Variants in XKR3 observed in about 807,000 individuals in gnomAD.
The protein encoded by XKR3 is XK related 3, also known as XK-related protein 3.
In XKR3, 27 loss-of-function variants were observed where a neutral mutation model predicts 40.3. The observed-to-expected ratio is 0.67, with a 90% CI of 0.49 to 0.92. The LOEUF (loss-of-function observed/expected upper bound fraction) is 0.92. Ranked by LOEUF, XKR3 falls within the 40% of genes least tolerant of loss-of-function variation. The probability of loss-of-function intolerance (pLI) is 0.00; values close to 1 mark genes in which losing one functional copy is unlikely to be tolerated. For missense variants in XKR3, 472 were observed against 537.6 expected, an observed-to-expected ratio of 0.88 and a Z score of 1.21; for synonymous variants, 193 against 195.4, an observed-to-expected ratio of 0.99 and a Z score of 0.10.
chr22:16,795,786 G>A (rs1201494221), intron 3 of XKR3, among the ~76,000 whole-genome samples: 1 of 152,016 alleles, frequency 6.6e-6, no homozygotes, highest in Non-Finnish European at 1.5e-5. Flanking sequence ...GGCCAACATG[G>A]TAAAACCCTG....
chr22:16,813,840 T>A (rs1227106466), intron 1 of XKR3, among the ~76,000 whole-genome samples: 1 of 152,210 alleles, frequency 6.6e-6, no homozygotes, highest in African/African-American at 2.4e-5. Flanking sequence ...CATCTGTTAT[T>A]TCTTTCTGAT....
intron 3 of XKR3, among the ~76,000 whole-genome samples, chr22:16,787,342 T>C (rs979087914): frequency 2.6e-5 from 4 of 152,058 alleles, no homozygotes; most frequent in African/African-American, 9.7e-5. Flanking sequence ...GTGGATCACA[T>C]GTGGTCAGGA....
chr22:16,811,237 C>T (rs2060211309), intron 1 of XKR3, among the ~76,000 whole-genome samples: 1 of 151,776 alleles, frequency 6.6e-6, no homozygotes, highest in South Asian at 2.1e-4. Context: ...GATTTCCTGC[C>T]TCAGCCTCTC....
Position 16,820,904 on chromosome 22 carries a change from T to C in XKR3, c.-11+4387A>G, listed in dbSNP as rs532361240. 1.1e-4 allele frequency among the ~76,000 whole-genome samples: 17 copies of C among 152,316 alleles called. No homozygotes were observed. The South Asian group carries it at 3.3e-3, about 30-fold the overall frequency. On this transcript the variant is annotated intron_variant, in intron 1 of 3. Coordinates refer to ENST00000684488, the MANE Select transcript of XKR3 (RefSeq NM_001386955.1). ...CTGTTTCACGATCTCTTGTAAGTTA[T>C]AACTCCTTCATGAATACCCCTCTTT...
At chr22:16,813,582 C>T (rs190100070) in intron 1 of XKR3, among the ~76,000 whole-genome samples, 2 of 152,218 alleles carry the variant, frequency 1.3e-5, no homozygotes, top group East Asian at 3.9e-4. Flanking sequence ...ATGTATGATG[C>T]AAACCCACTG....
chr22:16,820,660 A>G (rs2060251793), intron 1 of XKR3, among the ~76,000 whole-genome samples: 1 of 152,112 alleles, frequency 6.6e-6, no homozygotes, highest in Non-Finnish European at 1.5e-5. Flanking sequence ...TCTCCAGTAC[A>G]CAATACAGAG....
rs2060160394 is a variant in XKR3 at position 16,799,883 on chromosome 22, C to T, written c.477G>A (p.Gln159=). 1 of 1,614,092 alleles carries T rather than the reference C, an allele frequency of 6.2e-7. No homozygotes were observed. The highest frequency in any genetic ancestry group is 8.5e-7 in the Non-Finnish European group (1 of 1,180,002). The change falls in exon 3 of 4, where the codon CAG becomes CAA. Residue 159 remains glutamine (Q), a synonymous_variant. Coordinates refer to ENST00000684488, the MANE Select transcript of XKR3 (RefSeq NM_001386955.1). The part of the protein sequence containing the change: ...IAFSIRDNFM[Q]QKAFKYMSVI... ...CTGACATGTACTTGAAAGCCTTCTGCTGCATGAAATTATCCCGGATTGAGA... is the reference window on the plus strand; with the variant it reads ...CTGACATGTACTTGAAAGCCTTCTGTTGCATGAAATTATCCCGGATTGAGA...
chr22:16,797,143 A>T (rs1431419622), intron 3 of XKR3, among the ~76,000 whole-genome samples: 1 of 152,168 alleles, frequency 6.6e-6, no homozygotes, highest in African/African-American at 2.4e-5. Context: ...CTGAACTCCT[A>T]CCTTTCACCA....
At chr22:16,822,739 A>G (rs1295447272) in intron 1 of XKR3, among the ~76,000 whole-genome samples, 1 of 152,242 alleles carries the variant, frequency 6.6e-6, no homozygotes, top group Non-Finnish European at 1.5e-5. Context: ...GGTTAGCAGT[A>G]CAAACTCTGG....
At chr22:16,793,438 A>G (rs369141856) in intron 3 of XKR3, among the ~76,000 whole-genome samples, 34 of 152,376 alleles carry the variant, frequency 2.2e-4, no homozygotes, top group African/African-American at 7.5e-4. Context: ...GCGTAATTCC[A>G]GTACACGGGT....
chr22:16,797,662 GGGCACCTGT>G (rs2060147546), intron 3 of XKR3, among the ~76,000 whole-genome samples: 1 of 151,660 alleles, frequency 6.6e-6, no homozygotes, highest in South Asian at 2.1e-4. Context: ...GCATGGTGGT[GGGCACCTGT>G]GGTCCCAGCT....
intron 2 of XKR3, among the ~76,000 whole-genome samples, chr22:16,801,584 C>T (rs2146160343): frequency 6.6e-6 from 1 of 151,808 alleles, no homozygotes; most frequent in South Asian, 2.1e-4. Flanking sequence ...TAAAATAACG[C>T]AATGCGGGCA....
chr22:16,784,601 T>C (rs1208599926), intron 3 of XKR3, among the ~76,000 whole-genome samples, 192 bp from the exon 4 acceptor site: 3 of 152,196 alleles, frequency 2.0e-5, no homozygotes, highest in Non-Finnish European at 2.9e-5. Flanking sequence ...GCAAAACATA[T>C]ATTACACCTT....
intron 2 of XKR3, among the ~76,000 whole-genome samples, chr22:16,806,973 G>A (rs567218009): frequency 4.6e-5 from 7 of 152,002 alleles, no homozygotes; most frequent in African/African-American, 1.7e-4. Flanking sequence ...TTCAAAGCAC[G>A]TTAGTCTTTC....
chr22:16,800,869 ATGAAAAAATAATGC>A (rs1288276090), intron 2 of XKR3, among the ~76,000 whole-genome samples: 1 of 152,224 alleles, frequency 6.6e-6, no homozygotes, highest in African/African-American at 2.4e-5. Context: ...CTTCAGAAGT[ATGAAAAAATAATGC>A]TTCTCAATGA....
At position 16,783,858 on chromosome 22, in the gene XKR3, G is replaced by A; in HGVS notation, c.1141C>T (p.Gln381Ter). The part of the protein sequence containing the change: ...LNCCDSLIAV[Q>*]LIISYLLATG... ...GCCAATAGGTAGCTTATGATGAGCT[G>A]CACGGCAATTAATGAGTCACAACAA... Residue 381 changes from glutamine to a stop codon, truncating the protein, a stop_gained, in exon 4 of 4, where the codon CAG becomes TAG. Transcript: ENST00000684488. LOFTEE classifies it high-confidence loss of function. The A allele has an allele frequency of 6.2e-7, 1 of 1,614,126 alleles. No homozygotes were observed. The highest frequency in any genetic ancestry group is 8.5e-7 in the Non-Finnish European group (1 of 1,180,014).
At chr22:16,797,184 T>A (rs1459496534) in intron 3 of XKR3, among the ~76,000 whole-genome samples, 1 of 152,206 alleles carries the variant, frequency 6.6e-6, no homozygotes, top group Non-Finnish European at 1.5e-5. Context: ...ATGGATGAAA[T>A]GTTTAAATGT....
At chr22:16,784,792 G>A (rs1189935018) in intron 3 of XKR3, among the ~76,000 whole-genome samples, 10 of 152,180 alleles carry the variant, frequency 6.6e-5, no homozygotes, top group Admixed American at 6.5e-4. Flanking sequence ...ATTAGACACT[G>A]AAAAGACAGT....
chr22:16,795,336 T>C (rs1466713881), intron 3 of XKR3, among the ~76,000 whole-genome samples: 1 of 152,072 alleles, frequency 6.6e-6, no homozygotes, highest in African/African-American at 2.4e-5. Context: ...AGGCAGAAAT[T>C]AAAATAATTA....
Sources: gnomAD v4.1 joint callset for allele counts (sites outside exome capture counted in the v4.1 genomes callset) on GRCh38, gnomAD v4.1.1 for gene constraint, MANE v1.5 for transcripts, NCBI Gene and HGNC (gene_info 2026-07-23, HGNC 2026-07-21) for gene names.